SEMA6D: variants seen among roughly 807,000 people sequenced by gnomAD.
The protein encoded by SEMA6D is semaphorin 6D.
SEMA6D carries 35 observed loss-of-function variants against 106.6 expected under a neutral mutation model. That is an observed-to-expected ratio of 0.33 (90% CI 0.25 to 0.44). The LOEUF is 0.44. Ranked by LOEUF, SEMA6D falls within the 20% of genes least tolerant of loss-of-function variation. The pLI is 1.00. For synonymous variants in SEMA6D, 499 were observed against 487.7 expected, an observed-to-expected ratio of 1.02 and a Z score of -0.31; for missense variants, 1,185 against 1,345.9, an observed-to-expected ratio of 0.88 and a Z score of 1.87.
chr15:47,216,178 T>C (rs2030576185), intron 1 of SEMA6D, among the ~76,000 whole-genome samples: 1 of 152,164 alleles, frequency 6.6e-6, no homozygotes, highest in African/African-American at 2.4e-5. Flanking sequence ...ATGTTAAATC[T>C]GCATAAAATT....
At chr15:47,640,158 A>G (rs1193907333) in intron 4 of SEMA6D, among the ~76,000 whole-genome samples, 1 of 152,176 alleles carries the variant, frequency 6.6e-6, no homozygotes, top group African/African-American at 2.4e-5. Context: ...AATAAAGTCT[A>G]TATTTTTAAA....
At chr15:47,684,089 T>C (rs1054709900) in intron 4 of SEMA6D, among the ~76,000 whole-genome samples, 11 of 152,170 alleles carry the variant, frequency 7.2e-5, no homozygotes, top group African/African-American at 2.7e-4. Flanking sequence ...AGAACAGCAT[T>C]ATAAGCCCCA....
At chr15:47,493,425 C>T (rs373368465) in intron 3 of SEMA6D, among the ~76,000 whole-genome samples, 1 of 152,266 alleles carries the variant, frequency 6.6e-6, no homozygotes, top group East Asian at 1.9e-4. Context: ...TGAAAACTTG[C>T]TCTATCACAA....
At chr15:47,274,048 A>G (rs768826117) in intron 1 of SEMA6D, 8 of 152,198 alleles carry the variant, frequency 5.3e-5, no homozygotes, top group Non-Finnish European at 1.0e-4. Context: ...GAAACACAGC[A>G]CATGCTGAGC....
intron 3 of SEMA6D, among the ~76,000 whole-genome samples, chr15:47,588,999 A>C (rs1341698185): frequency 3.3e-5 from 5 of 152,236 alleles, no homozygotes; most frequent in African/African-American, 1.2e-4. Flanking sequence ...TACGGTGCAC[A>C]GAACAGACCC....
chr15:47,373,060 A>G (rs1275392850), intron 1 of SEMA6D, among the ~76,000 whole-genome samples: 1 of 152,208 alleles, frequency 6.6e-6, no homozygotes, highest in Non-Finnish European at 1.5e-5. Flanking sequence ...CCTGGCTTTC[A>G]GAGAGCTTCA....
chr15:47,422,180 G>GCCTTCCTGCCTTCCTTCCTT (rs2041186932), intron 2 of SEMA6D, among the ~76,000 whole-genome samples: 1 of 112,814 alleles, frequency 8.9e-6, no homozygotes. Flanking sequence ...CCGCCTGCCT[G>GCCTTCCTGCCTTCCTTCCTT]CCTTCCTTCC....
intron 4 of SEMA6D, among the ~76,000 whole-genome samples, chr15:47,661,208 A>G (rs527315214): frequency 6.6e-6 from 1 of 152,332 alleles, no homozygotes; most frequent in African/African-American, 2.4e-5. Flanking sequence ...TAAGAAATGT[A>G]TACAAAGATT....
At chr15:47,564,466 G>T (rs1327581916) in intron 3 of SEMA6D, among the ~76,000 whole-genome samples, 1 of 152,100 alleles carries the variant, frequency 6.6e-6, no homozygotes, top group Non-Finnish European at 1.5e-5. Flanking sequence ...TCTCAAAACA[G>T]AATTTTTTTT....
intron 3 of SEMA6D, among the ~76,000 whole-genome samples, chr15:47,577,239 G>A (rs774973584): frequency 1.3e-5 from 2 of 152,180 alleles, no homozygotes; most frequent in Non-Finnish European, 2.9e-5. Context: ...GACTTTAACA[G>A]CAAGGGTGAA....
chr15:47,678,704 A>G (rs1804474829), intron 4 of SEMA6D, among the ~76,000 whole-genome samples: 1 of 151,878 alleles, frequency 6.6e-6, no homozygotes, highest in South Asian at 2.1e-4. Flanking sequence ...ATTTGTTCTA[A>G]TGGCTAAGAT....
intron 1 of SEMA6D, among the ~76,000 whole-genome samples, chr15:47,384,321 C>T (rs1300921002): frequency 6.6e-6 from 1 of 152,228 alleles, no homozygotes; most frequent in Non-Finnish European, 1.5e-5. Context: ...TAGGCAGTCT[C>T]ATGTTGTTTT....
chr15:47,310,446 A>G lies in SEMA6D; in HGVS notation c.-238-101947A>G, dbSNP rs150193462. Among the ~76,000 whole-genome samples, 686 of 152,284 alleles carry G rather than the reference A, an allele frequency of 4.5e-3. 3 individuals are homozygous for G. The highest frequency in any genetic ancestry group is 8.0e-3 in the Admixed American group (122 of 15,290). On this transcript the variant is annotated intron_variant, in intron 1 of 19. Transcript: ENST00000558014. Reference sequence around the variant, plus strand: ...TTTAAATAGTCATTACTTATTTGCAATGAGCCAATTGCTCTTTTCACATTT... The same window carrying G: ...TTTAAATAGTCATTACTTATTTGCAGTGAGCCAATTGCTCTTTTCACATTT...
chr15:47,663,332 ATG>A (rs1197021344), intron 4 of SEMA6D, among the ~76,000 whole-genome samples: 1 of 152,210 alleles, frequency 6.6e-6, no homozygotes, highest in Admixed American at 6.5e-5. Flanking sequence ...GATGCTTGAA[ATG>A]TGTAATTCCT....
chr15:47,273,997 C>T (rs1425558403), intron 1 of SEMA6D, among the ~76,000 whole-genome samples: 2 of 152,030 alleles, frequency 1.3e-5, no homozygotes, highest in African/African-American at 4.8e-5. Flanking sequence ...ATGTACTGAC[C>T]TCTTTGTAGA....
Position 47,768,675 on chromosome 15 carries a change from C to T in SEMA6D, c.1860C>T (p.Ser620=). The T allele has an allele frequency of 6.2e-7, 1 of 1,613,666 alleles. No homozygotes were observed. Among genetic ancestry groups the T allele is most frequent in the Non-Finnish European group, 8.5e-7 (1 of 1,179,682 alleles). The change falls in exon 18 of 19, where the codon AGC becomes AGT. Residue 620 remains serine, a synonymous_variant. Transcript: ENST00000536845. ...ATACCTGGAGACCTAAACTGACAAG[C>T]TCTCGGAAATTTGTAGTTCAAGATG... ...VIDTWRPKLT[S]SRKFVVQDDP...
intron 3 of SEMA6D, among the ~76,000 whole-genome samples, chr15:47,564,917 G>C (rs2046186658): frequency 6.6e-6 from 1 of 152,130 alleles, no homozygotes; most frequent in African/African-American, 2.4e-5. Context: ...GGGACAGCTT[G>C]ACAGTGTAAC....
At chr15:47,240,468 A>G (rs944317100) in intron 1 of SEMA6D, among the ~76,000 whole-genome samples, 1 of 152,140 alleles carries the variant, frequency 6.6e-6, no homozygotes, top group Non-Finnish European at 1.5e-5. Flanking sequence ...GGAAATTTTA[A>G]TCTCCTCCTT....
chr15:47,546,832 G>T (rs140513616), intron 3 of SEMA6D, among the ~76,000 whole-genome samples: 5 of 152,062 alleles, frequency 3.3e-5, no homozygotes, highest in Admixed American at 1.3e-4. Context: ...GGGCATCTGT[G>T]CCCCTAAGAC....
Sources: gnomAD v4.1 joint callset for allele counts (sites outside exome capture counted in the v4.1 genomes callset) on GRCh38, gnomAD v4.1.1 for gene constraint, MANE v1.5 for transcripts, NCBI Gene and HGNC (gene_info 2026-07-23, HGNC 2026-07-21) for gene names.